Variants in GAS2L3 observed in about 807,000 individuals in gnomAD.
GAS2L3 encodes the protein growth arrest specific 2 like 3, also known as GAS2-like protein 3.
A neutral mutation model predicts 37.0 loss-of-function variants in GAS2L3; 28 were observed. The ratio of observed to expected loss-of-function variants is 0.76; its 90% CI spans 0.56 to 1.04. The LOEUF is 1.04. Among genes scored for constraint, GAS2L3 ranks in the 50% least tolerant of loss-of-function variants. GAS2L3 has a pLI of 0.00. For synonymous variants in GAS2L3, 290 were observed against 296.6 expected (o/e 0.98, Z 0.23); for missense variants, 793 against 817.6 (o/e 0.97, Z 0.37).
At chr12:100,597,307 G>T (rs1468185009) in intron 3 of GAS2L3, among the ~76,000 whole-genome samples, 1 of 151,964 alleles carries the variant, frequency 6.6e-6, no homozygotes, top group East Asian at 1.9e-4. Flanking sequence ...ATGGTACAAA[G>T]AGTCATTTGC....
At chr12:100,581,190 C>T (rs1955707650) in intron 1 of GAS2L3, among the ~76,000 whole-genome samples, 2 of 152,210 alleles carry the variant, frequency 1.3e-5, no homozygotes, top group South Asian at 2.1e-4. Context: ...ATGTAAGTCA[C>T]TCTCCTTTGC....
intron 1 of GAS2L3, among the ~76,000 whole-genome samples, chr12:100,587,677 G>T (rs1442472171): frequency 1.3e-5 from 2 of 152,206 alleles, no homozygotes; most frequent in African/African-American, 4.8e-5. Flanking sequence ...ACTGGAACAA[G>T]ACAAGGATGC....
At position 100,625,043 on chromosome 12, in the gene GAS2L3, C is replaced by A; in HGVS notation, c.*153C>A. On this transcript the variant is annotated 3_prime_UTR_variant, in exon 10 of 10. Coordinates refer to ENST00000547754, the MANE Select transcript of GAS2L3 (RefSeq NM_174942.3). ...GATGAGGAAAGGGTTCATCAGAATT[C>A]ACATATCTGAATTCACTGGAAAGAG... The A allele has an allele frequency of 1.6e-6, 1 of 606,336 alleles. No individual in the cohort carries two copies. Among genetic ancestry groups the A allele is most frequent in the Non-Finnish European group, 2.8e-6 (1 of 354,344 alleles). The allele number at this position is 606,336 out of a possible 1,614,324, so 37.6% of individuals were successfully genotyped here. A position where few individuals can be genotyped will look rare whatever the true frequency, so the allele number is the denominator to read the frequency against.
rs754364702 is a variant in GAS2L3 at position 100,624,853 on chromosome 12, A to G, written c.2048A>G (p.Tyr683Cys). The change falls in exon 10 of 10, where the codon TAT becomes TGT. Residue 683 changes from tyrosine (Y) to cysteine (C), a missense_variant. Physicochemically the swap from Tyr to Cys is radical, Grantham distance 194. Transcript: ENST00000547754. ...AAGAAAAAGGAAGATGATGACCATT[A>G]TTTTGTCATGACTGGAAGTAAGAAA... ...TAKKKEDDDH[Y>C]FVMTGSKKPR... 1 of 1,603,648 alleles carries G rather than the reference A, an allele frequency of 6.2e-7. No individual in the cohort carries two copies. The highest frequency in any genetic ancestry group is 2.2e-5 in the East Asian group (1 of 44,826).
chr12:100,600,643 A>T, intron 4 of GAS2L3, 93 bp downstream of exon 4: 3 of 978,752 alleles, frequency 3.1e-6, no homozygotes, highest in Non-Finnish European at 4.8e-6. Context: ...ATTGTTACAG[A>T]TGCTGGGGAT....
At chr12:100,581,496 A>G (rs1169155664) in intron 1 of GAS2L3, among the ~76,000 whole-genome samples, 2 of 152,252 alleles carry the variant, frequency 1.3e-5, no homozygotes, top group East Asian at 3.8e-4. Context: ...TGATTATGAG[A>G]TTTTAAAAAA....
rs750479911 is a variant in GAS2L3 at position 100,623,595 on chromosome 12, G to C, written c.790G>C (p.Gly264Arg). The C allele has an allele frequency of 1.2e-6, 2 of 1,609,074 alleles. No individual in the cohort carries two copies. Among genetic ancestry groups the C allele is most frequent in the Non-Finnish European group, 1.7e-6 (2 of 1,177,852 alleles). Residue 264 changes from glycine (G) to arginine (R), a missense_variant, in exon 10 of 10, where the codon GGT becomes CGT. Transcript: ENST00000547754. Reference protein sequence around the residue: ...LHGKHVMVRVGGGWDTLQGFL... With the variant: ...LHGKHVMVRVRGGWDTLQGFL... ...TGGAAAACATGTCATGGTTCGCGTTGGTGGAGGCTGGGATACTCTTCAAGG... is the reference window on the plus strand; with the variant it reads ...TGGAAAACATGTCATGGTTCGCGTTCGTGGAGGCTGGGATACTCTTCAAGG...
chr12:100,621,874 T>TGG (rs757283474), intron 8 of GAS2L3, among the ~76,000 whole-genome samples: 6 of 88,852 alleles, frequency 6.8e-5, no homozygotes, highest in South Asian at 5.7e-4. Context: ...GGAGGGAGGG[T>TGG]GGGGGGGGGA....
Position 100,622,337 on chromosome 12 carries a change from A to T in GAS2L3, c.711A>T (p.Leu237Phe). Residue 237 changes from leucine (L) to phenylalanine (F), a missense_variant, in exon 9 of 10, where the codon TTA becomes TTT. By Grantham distance (22) the Leu-to-Phe change is conservative. Transcript: ENST00000547754. ...SCSHRFSIEY[L>F]SEGRYRLGDK... ...CTCATCGATTTTCTATTGAGTATTT[A>T]TCTGAAGGACGGTACCGACTAGGGG... 1 of 1,604,356 alleles carries T rather than the reference A, an allele frequency of 6.2e-7. No individual in the cohort carries two copies. Among genetic ancestry groups the T allele is most frequent in the Non-Finnish European group, 8.5e-7 (1 of 1,171,862 alleles).
chr12:100,619,870 C>G (rs1179317411), intron 8 of GAS2L3, among the ~76,000 whole-genome samples: 1 of 151,968 alleles, frequency 6.6e-6, no homozygotes, highest in Non-Finnish European at 1.5e-5. Flanking sequence ...GGTCTGTGTT[C>G]ACACAAGAAG....
rs747726961 is a variant in GAS2L3 at position 100,617,792 on chromosome 12, G to A, written c.494G>A (p.Gly165Asp). 6.3e-7 allele frequency: 1 copy of A among 1,595,028 alleles called. No individual in the cohort carries two copies. Among genetic ancestry groups the A allele is most frequent in the East Asian group, 2.2e-5 (1 of 44,646 alleles). The change falls in exon 7 of 10, where the codon GGT (glycine) becomes GAT (aspartate). Residue 165 changes from glycine to aspartate, a missense_variant. Physicochemically the swap from Gly to Asp is moderately conservative, Grantham distance 94 (BLOSUM62 -1). Coordinates refer to ENST00000547754, the MANE Select transcript of GAS2L3 (RefSeq NM_174942.3). ...RQVYLCLLEI[G>D]RIVSRYGVEP... is the part of the protein sequence containing the mutation. The stretch of plus-strand genomic sequence containing the variant: ...GTGTATCTTTGTCTTCTTGAAATTG[G>A]TCGAATTGTGTCAAGGTATGTATTC...
At chr12:100,578,591 A>T in intron 1 of GAS2L3, 1 of 198,048 alleles carries the variant, frequency 5.0e-6, no homozygotes, top group Non-Finnish European at 1.0e-5. Flanking sequence ...CTCTAGGTCA[A>T]GTGTCTTGGC....
chr12:100,602,738 A>T (rs1340285928), intron 5 of GAS2L3, among the ~76,000 whole-genome samples: 8 of 151,802 alleles, frequency 5.3e-5, no homozygotes, highest in African/African-American at 1.9e-4. Flanking sequence ...AGGTCTTATT[A>T]ATTCTTTCTA....
intron 6 of GAS2L3, among the ~76,000 whole-genome samples, chr12:100,616,586 C>A (rs1385954633): frequency 6.7e-6 from 1 of 150,136 alleles, no homozygotes; most frequent in Non-Finnish European, 1.5e-5. Context: ...CAAGTGTGCA[C>A]CACCATGCCT....
rs1956350150 is a variant in GAS2L3, at chr12:100,628,221, C to A, written c.*3331C>A. The A allele has an allele frequency of 1.3e-5, 2 of 152,210 alleles. No homozygotes were observed. The highest frequency in any genetic ancestry group is 3.9e-4 in the East Asian group (2 of 5,192). The allele number at this position is 152,210 out of a possible 1,614,324, so 9.4% of individuals were successfully genotyped here. On this transcript the variant is annotated 3_prime_UTR_variant, in exon 10 of 10. Coordinates refer to ENST00000547754, the MANE Select transcript of GAS2L3 (RefSeq NM_174942.3). ...CCAAATTTGTGTATATTTTCTTATG[C>A]CAGCAGTATTTGTATCCAATTTTAA...
chr12:100,588,347 C>T (rs926886981), intron 1 of GAS2L3, among the ~76,000 whole-genome samples: 2 of 152,142 alleles, frequency 1.3e-5, no homozygotes, highest in African/African-American at 4.8e-5. Context: ...GTGATGCCCT[C>T]CTGAGTCTCA....
At chr12:100,574,980 AT>A (rs201675962) in intron 1 of GAS2L3, among the ~76,000 whole-genome samples, 3,945 of 146,250 alleles carry the variant, frequency 0.027, 142 homozygotes, top group African/African-American at 0.086. Context: ...AGAAGTAGTA[AT>A]TTTTTTTTTT....
intron 2 of GAS2L3, among the ~76,000 whole-genome samples, chr12:100,594,607 A>G (rs1407681820): frequency 6.6e-6 from 1 of 151,890 alleles, no homozygotes; most frequent in African/African-American, 2.4e-5. Flanking sequence ...AACTGTCCAG[A>G]TGGTTCAAGA....
rs749729512 is a variant in GAS2L3, at chr12:100,623,812, C to T, written c.1007C>T (p.Pro336Leu). ...FQKQNSKPSV[P>L]VSIPKSKEKQ... ...AAACAAAATTCAAAACCCAGCGTGC[C>T]AGTTAGTATTCCAAAAAGCAAAGAA... Residue 336 changes from proline (P) to leucine (L), a missense_variant, in exon 10 of 10, where the codon CCA (proline) becomes CTA (leucine). Physicochemically the swap from Pro to Leu is moderately conservative, Grantham distance 98. Transcript: ENST00000547754. The T allele has an allele frequency of 2.5e-6, 4 of 1,614,026 alleles. No homozygotes were observed. The Admixed American group carries it at 6.7e-5, about 27-fold the overall frequency.
Sources: allele counts gnomAD v4.1 joint callset (sites outside exome capture counted in the v4.1 genomes callset), GRCh38; gene constraint gnomAD v4.1.1; transcripts MANE v1.5; gene names NCBI Gene and HGNC (gene_info 2026-07-23, HGNC 2026-07-21).